Variants in THSD7B observed in about 807,000 individuals in gnomAD.
THSD7B encodes thrombospondin type-1 domain-containing protein 7B.
THSD7B carries 138 observed loss-of-function variants against 213.6 expected under a neutral mutation model. That is an observed-to-expected ratio of 0.65 (90% CI 0.56 to 0.74). THSD7B has a LOEUF of 0.74. THSD7B is among the 30% of genes least tolerant of loss of function. THSD7B has a pLI of 0.00. For missense variants in THSD7B, 1,931 were observed against 1,991.5 expected (o/e 0.97, Z 0.58); for synonymous variants, 742 against 687.0 (o/e 1.08, Z -1.25).
chr2:137,405,177 T>C (rs1203381879), intron 12 of THSD7B, among the ~76,000 whole-genome samples: 1 of 139,284 alleles, frequency 7.2e-6, no homozygotes, highest in Non-Finnish European at 1.5e-5. Context: ...GGTCTACTTC[T>C]GTAAGTGCCA....
intron 1 of THSD7B, among the ~76,000 whole-genome samples, chr2:136,768,382 G>A (rs1681444899): frequency 6.6e-6 from 1 of 151,918 alleles, no homozygotes; most frequent in South Asian, 2.1e-4. Context: ...AACTGGAGTT[G>A]TATGATTCCT....
At chr2:136,861,393 G>T (rs767603811) in intron 1 of THSD7B, among the ~76,000 whole-genome samples, 9 of 152,154 alleles carry the variant, frequency 5.9e-5, no homozygotes, top group Non-Finnish European at 1.2e-4. Flanking sequence ...GTGAGATTCC[G>T]TGTTGGGTGC....
chr2:137,426,910 A>G (rs367876437), intron 14 of THSD7B, among the ~76,000 whole-genome samples: 48 of 152,262 alleles, frequency 3.2e-4, no homozygotes, highest in African/African-American at 9.4e-4. Context: ...TAAGGGGTTA[A>G]TACCCAAAAT....
intron 17 of THSD7B, among the ~76,000 whole-genome samples, chr2:137,594,157 T>C (rs1028559797): frequency 6.6e-5 from 10 of 151,990 alleles, no homozygotes; most frequent in Admixed American, 2.0e-4. Flanking sequence ...AAAGACTCTC[T>C]GGAGTAGAAT....
At chr2:137,315,932 A>AT (rs1221805237) in intron 12 of THSD7B, among the ~76,000 whole-genome samples, 3 of 151,926 alleles carry the variant, frequency 2.0e-5, no homozygotes, top group Admixed American at 6.5e-5. Context: ...CTAGTATGCT[A>AT]TTTTTTTCAT....
chr2:136,928,610 A>G (rs1472540281), intron 2 of THSD7B, among the ~76,000 whole-genome samples: 4 of 152,218 alleles, frequency 2.6e-5, no homozygotes, highest in Non-Finnish European at 5.9e-5. Context: ...CTTTTGGTTA[A>G]TGATTCATAC....
intron 1 of THSD7B, among the ~76,000 whole-genome samples, chr2:136,800,884 C>CT (rs1043019484): frequency 2.4e-4 from 37 of 151,818 alleles, no homozygotes; most frequent in African/African-American, 7.7e-4. Context: ...GACTTACTTT[C>CT]TTTTTTTATT....
chr2:136,889,903 G>A lies in THSD7B; in HGVS notation c.139+7586G>A, dbSNP rs72981619. On this transcript the variant is annotated intron_variant, in intron 2 of 27. Coordinates refer to ENST00000409968, the MANE Select transcript of THSD7B (RefSeq NM_001316349.2). Reference sequence around the variant, plus strand: ...GTCGTGTTTTCCAGAACTGCTAAACGCATCCTCTAGTACTGCTAAAATAGG... The same window carrying A: ...GTCGTGTTTTCCAGAACTGCTAAACACATCCTCTAGTACTGCTAAAATAGG... 3.6e-3 allele frequency among the ~76,000 whole-genome samples: 542 copies of A among 152,174 alleles called. 5 individuals are homozygous for A. Among genetic ancestry groups the A allele is most frequent in the African/African-American group, 0.012 (513 of 41,496 alleles).
chr2:136,961,206 G>A (rs1685211813), intron 2 of THSD7B, among the ~76,000 whole-genome samples: 1 of 144,698 alleles, frequency 6.9e-6, no homozygotes, highest in Non-Finnish European at 1.5e-5. Context: ...TGGTATTATT[G>A]ACATGTATTT....
intron 2 of THSD7B, among the ~76,000 whole-genome samples, chr2:137,043,152 C>A (rs1686911974): frequency 6.6e-6 from 1 of 152,158 alleles, no homozygotes; most frequent in Non-Finnish European, 1.5e-5. Context: ...AGTGGGTATT[C>A]CTCTCAGCCA....
At chr2:136,892,932 T>A (rs1045300767) in intron 2 of THSD7B, among the ~76,000 whole-genome samples, 5 of 152,192 alleles carry the variant, frequency 3.3e-5, no homozygotes, top group Non-Finnish European at 7.3e-5. Flanking sequence ...TGCCTCTTCA[T>A]GTTGCAGAAT....
chr2:137,124,567 A>AG (rs1291727091), intron 5 of THSD7B, among the ~76,000 whole-genome samples: 2 of 152,144 alleles, frequency 1.3e-5, no homozygotes, highest in Non-Finnish European at 2.9e-5. Flanking sequence ...CACAGGGGAA[A>AG]GGGGGGAGGG....
At chr2:137,205,970 T>C (rs1385940001) in intron 7 of THSD7B, among the ~76,000 whole-genome samples, 1 of 152,034 alleles carries the variant, frequency 6.6e-6, no homozygotes, top group Non-Finnish European at 1.5e-5. Flanking sequence ...TTTTCTTCTA[T>C]TACTAAAGTA....
intron 17 of THSD7B, among the ~76,000 whole-genome samples, chr2:137,603,417 C>CT (rs1336129316): frequency 6.6e-6 from 1 of 152,110 alleles, no homozygotes; most frequent in African/African-American, 2.4e-5. Context: ...TTCTCTAAAT[C>CT]TTTAACTTTC....
At chr2:136,948,570 C>T (rs550182970) in intron 2 of THSD7B, among the ~76,000 whole-genome samples, 6 of 152,108 alleles carry the variant, frequency 3.9e-5, no homozygotes, top group South Asian at 2.1e-4. Flanking sequence ...GGGTGACATT[C>T]GGGAAGTTTA....
chr2:136,981,209 G>T (rs751165341), intron 2 of THSD7B, among the ~76,000 whole-genome samples: 7 of 152,332 alleles, frequency 4.6e-5, no homozygotes, highest in Non-Finnish European at 8.8e-5. Context: ...AATGGAGATT[G>T]TATAGTTGAT....
At chr2:136,914,001 C>G (rs1684309518) in intron 2 of THSD7B, among the ~76,000 whole-genome samples, 1 of 152,176 alleles carries the variant, frequency 6.6e-6, no homozygotes, top group Non-Finnish European at 1.5e-5. Flanking sequence ...CTGGAAAAGC[C>G]ACAGACACTC....
chr2:137,397,195 G>C (rs1686215334), intron 12 of THSD7B, among the ~76,000 whole-genome samples: 1 of 151,852 alleles, frequency 6.6e-6, no homozygotes, highest in South Asian at 2.1e-4. Context: ...GTGTGAATTT[G>C]ATCCTGTCAT....
chr2:137,150,646 A>G (rs1369559329), intron 5 of THSD7B, among the ~76,000 whole-genome samples: 1 of 152,098 alleles, frequency 6.6e-6, no homozygotes, highest in Non-Finnish European at 1.5e-5. Flanking sequence ...TAAATTACCC[A>G]GTCTCGGGTA....
Sources: gnomAD v4.1 joint callset for allele counts (sites outside exome capture counted in the v4.1 genomes callset) on GRCh38, gnomAD v4.1.1 for gene constraint, MANE v1.5 for transcripts, NCBI Gene and HGNC (gene_info 2026-07-23, HGNC 2026-07-21) for gene names.